TRAPPC3L: variants seen among roughly 807,000 people sequenced by gnomAD.
The protein encoded by TRAPPC3L is trafficking protein particle complex subunit 3L, also known as trafficking protein particle complex subunit 3-like protein.
Under a neutral mutation model 23.7 loss-of-function variants are expected in TRAPPC3L, and 23 were observed. The ratio of observed to expected loss-of-function variants is 0.97; its 90% confidence interval spans 0.70 to 1.37. TRAPPC3L has a LOEUF of 1.37. Ranked by LOEUF, TRAPPC3L falls within the 40% of genes most tolerant of loss-of-function variation. TRAPPC3L has a pLI of 0.00. For synonymous variants in TRAPPC3L, 81 were observed against 77.9 expected (o/e 1.04, Z -0.21); for missense variants, 212 against 216.8 (o/e 0.98, Z 0.14).
chr6:116,506,213 A>G (rs1301919123), intron 3 of TRAPPC3L, among the ~76,000 whole-genome samples: 5 of 152,256 alleles, frequency 3.3e-5, no homozygotes, highest in Non-Finnish European at 7.3e-5. Context: ...AAGGATATGA[A>G]CAGACACTTG....
intron 2 of TRAPPC3L, 80 bp from the exon 3 acceptor site, chr6:116,540,542 T>C: frequency 7.3e-7 from 1 of 1,375,690 alleles, no homozygotes; most frequent in Non-Finnish European, 1.0e-6. Context: ...GCGATTTGTG[T>C]GTTTAGCACT....
rs1431370126 is a variant in TRAPPC3L, at chr6:116,506,341, G to T, written c.241-5675C>A. ...ACCATCTCTTGCCAGTTAGAATGGCGATCATCAAAAAGTCAGGAAACAACA... is the reference window on the plus strand; with the variant it reads ...ACCATCTCTTGCCAGTTAGAATGGCTATCATCAAAAAGTCAGGAAACAACA... On this transcript the variant is annotated intron_variant, in intron 3 of 4. Coordinates refer to ENST00000368602, the MANE Select transcript of TRAPPC3L (RefSeq NM_001139444.3). Among the ~76,000 whole-genome samples the T allele has an allele frequency of 2.0e-5, 3 of 152,150 alleles. No individual in the cohort carries two copies. In the South Asian group the frequency reaches 6.2e-4, roughly 32 times the overall value.
chr6:116,507,089 A>G (rs1440976072), intron 3 of TRAPPC3L, among the ~76,000 whole-genome samples: 1 of 139,108 alleles, frequency 7.2e-6, no homozygotes, highest in Non-Finnish European at 1.6e-5. Flanking sequence ...TTCTGTGGAG[A>G]TAATATGGTT....
rs1771832595 is a variant in TRAPPC3L at position 116,496,307 on chromosome 6, G to C, written c.*647C>G. On this transcript the variant is annotated 3_prime_UTR_variant, in exon 5 of 5. Transcript: ENST00000368602. ...AAGCAATATTTCATGAGAAAAGGAA[G>C]GAATTTGGTTGATGCCAGCTATATT... 1.3e-5 allele frequency: 2 copies of C among 151,980 alleles called. No homozygotes were observed. Among genetic ancestry groups the C allele is most frequent in the Admixed American group, 1.3e-4 (2 of 15,246 alleles). 9.4% of individuals were successfully genotyped at this position (151,980 alleles called of 1,614,324 possible). A position where few individuals can be genotyped will look rare whatever the true frequency, so the allele number is the denominator to read the frequency against.
At chr6:116,514,864 G>A (rs1050651270) in intron 3 of TRAPPC3L, among the ~76,000 whole-genome samples, 11 of 152,204 alleles carry the variant, frequency 7.2e-5, no homozygotes, top group African/African-American at 2.7e-4. Flanking sequence ...TGAAAAAGAT[G>A]TTAGTTTTCC....
chr6:116,540,723 G>C (rs1266724573), intron 2 of TRAPPC3L, among the ~76,000 whole-genome samples: 1 of 151,962 alleles, frequency 6.6e-6, no homozygotes, highest in East Asian at 1.9e-4. Flanking sequence ...GCCCAAAGTT[G>C]ACAATATAAA....
In TRAPPC3L at chr6:116,496,996, A is replaced by C; in HGVS notation, c.504T>G (p.Phe168Leu). 2 of 1,545,444 alleles carry C rather than the reference A, an allele frequency of 1.3e-6. No individual in the cohort carries two copies. Among genetic ancestry groups the C allele is most frequent in the Non-Finnish European group, 1.7e-6 (2 of 1,145,466 alleles). ...ATTTTTTCTCGTCTCGCTTTTTTAG[A>C]AATGTTATTCCTATTTCTGTCACAC... is the stretch of plus-strand genomic sequence containing the variant. The part of the protein sequence containing the change: ...GDSVTEIGIT[F>L]LKKRDEKKYR... Residue 168 changes from phenylalanine to leucine, a missense_variant, in exon 5 of 5, where the codon TTT (phenylalanine) becomes TTG (leucine). Phe to Leu is a conservative substitution (Grantham distance 22, BLOSUM62 0). Coordinates refer to ENST00000368602, the MANE Select transcript of TRAPPC3L (RefSeq NM_001139444.3).
intron 3 of TRAPPC3L, chr6:116,523,659 G>A (rs1562343476): frequency 6.6e-6 from 1 of 152,182 alleles, no homozygotes; most frequent in Non-Finnish European, 1.5e-5. Context: ...CAGATGCTAC[G>A]TGCCTTATGA....
chr6:116,520,958 T>C (rs1000914622), intron 3 of TRAPPC3L: 1 of 152,048 alleles, frequency 6.6e-6, no homozygotes, highest in Non-Finnish European at 1.5e-5. Flanking sequence ...TAAGCAATTT[T>C]GGAGTATCTT....
At chr6:116,502,107 A>G (rs1187408341) in intron 3 of TRAPPC3L, among the ~76,000 whole-genome samples, 15 of 152,220 alleles carry the variant, frequency 9.9e-5, no homozygotes. Flanking sequence ...AATCCATTGC[A>G]AGGAAGGTAA....
intron 3 of TRAPPC3L, among the ~76,000 whole-genome samples, chr6:116,525,308 C>T (rs1772425401): frequency 6.6e-6 from 1 of 152,094 alleles, no homozygotes; most frequent in South Asian, 2.1e-4. Context: ...CTGTCTGGGC[C>T]CCTGGATTCT....
At chr6:116,509,269 C>G (rs938281874) in intron 3 of TRAPPC3L, among the ~76,000 whole-genome samples, 1 of 152,018 alleles carries the variant, frequency 6.6e-6, no homozygotes, top group Non-Finnish European at 1.5e-5. Flanking sequence ...ACCATACTTC[C>G]CAAAGCAATC....
intron 3 of TRAPPC3L, chr6:116,515,486 A>G: frequency 1.8e-6 from 2 of 1,085,124 alleles, no homozygotes; most frequent in South Asian, 1.9e-5. Flanking sequence ...ATGATTTCAA[A>G]TGAGGTATGT....
At chr6:116,499,593 T>C (rs564740545) in intron 4 of TRAPPC3L, among the ~76,000 whole-genome samples, 1 of 152,350 alleles carries the variant, frequency 6.6e-6, no homozygotes, top group East Asian at 1.9e-4. Flanking sequence ...CCAATTTATA[T>C]GTCAGTCATA....
At chr6:116,537,429 G>A (rs772234858) in intron 3 of TRAPPC3L, among the ~76,000 whole-genome samples, 22 of 152,230 alleles carry the variant, frequency 1.4e-4, no homozygotes, top group Non-Finnish European at 2.4e-4. Flanking sequence ...CTCTTTTAAA[G>A]ACAGAATATG....
At chr6:116,538,532 T>C (rs1773232628) in intron 3 of TRAPPC3L, among the ~76,000 whole-genome samples, 1 of 152,146 alleles carries the variant, frequency 6.6e-6, no homozygotes, top group African/African-American at 2.4e-5. Context: ...AGGAATGAAA[T>C]TTTTTGCTAG....
chr6:116,511,957 C>CT, intron 3 of TRAPPC3L: 2 of 1,614,056 alleles, frequency 1.2e-6, no homozygotes, highest in Non-Finnish European at 1.7e-6. Context: ...CCAGGAAAAT[C>CT]TTTCCCAGAG....
At chr6:116,543,456 T>TCATA in intron 1 of TRAPPC3L, 56 bp from the exon 2 acceptor site, 3 of 1,356,878 alleles carry the variant, frequency 2.2e-6, no homozygotes, top group Non-Finnish European at 3.0e-6. Flanking sequence ...TATACTACTG[T>TCATA]ATTTCTTTTG....
chr6:116,529,951 C>T (rs2115185070), intron 3 of TRAPPC3L, among the ~76,000 whole-genome samples: 1 of 152,192 alleles, frequency 6.6e-6, no homozygotes, highest in South Asian at 2.1e-4. Context: ...ACATATTCAT[C>T]CTAGTAAAAG....
Sources: gnomAD v4.1 joint callset for allele counts (sites outside exome capture counted in the v4.1 genomes callset) on GRCh38, gnomAD v4.1.1 for gene constraint, MANE v1.5 for transcripts, NCBI Gene and HGNC (gene_info 2026-07-23, HGNC 2026-07-21) for gene names.